Variants in ALG5 observed in about 807,000 individuals in gnomAD.
The protein encoded by ALG5 is dolichyl-phosphate beta-glucosyltransferase.
Under a neutral mutation model 51.8 loss-of-function variants are expected in ALG5, and 26 were observed. The observed-to-expected ratio is 0.50, with a 90% confidence interval of 0.37 to 0.70. ALG5 has a LOEUF of 0.70. ALG5 is among the 30% of genes least tolerant of loss of function. ALG5 has a pLI of 0.00. For missense variants in ALG5, 311 were observed against 399.3 expected, an observed-to-expected ratio of 0.78 and a Z score of 1.88; for synonymous variants, 141 against 136.1, an observed-to-expected ratio of 1.04 and a Z score of -0.25.
At chr13:36,972,793 T>G (rs375341731) in intron 6 of ALG5, among the ~76,000 whole-genome samples, 2 of 151,850 alleles carry the variant, frequency 1.3e-5, no homozygotes, top group South Asian at 2.1e-4. Context: ...GAGATCGAGA[T>G]CATCCTGGCT....
intron 8 of ALG5, among the ~76,000 whole-genome samples, chr13:36,964,474 T>A (rs1458544962): frequency 6.6e-6 from 1 of 152,112 alleles, no homozygotes. Context: ...GTGGAGAATG[T>A]CAGGGCTGAT....
intron 4 of ALG5, among the ~76,000 whole-genome samples, chr13:36,990,308 C>T (rs906837062): frequency 6.6e-5 from 10 of 152,230 alleles, no homozygotes; most frequent in Non-Finnish European, 1.3e-4. Flanking sequence ...TGCTCTTCCA[C>T]ATCCCGTTTC....
chr13:36,987,130 T>C (rs1300776146), intron 5 of ALG5, among the ~76,000 whole-genome samples: 2 of 152,180 alleles, frequency 1.3e-5, no homozygotes, highest in Non-Finnish European at 2.9e-5. Flanking sequence ...AACTATCATC[T>C]GACATATGTG....
At chr13:36,984,017 G>GT (rs2058991106) in intron 6 of ALG5, among the ~76,000 whole-genome samples, 1 of 151,538 alleles carries the variant, frequency 6.6e-6, no homozygotes, top group Admixed American at 6.6e-5. Context: ...ATAATATTCA[G>GT]TTCTAAACTA....
Position 36,995,539 on chromosome 13 carries a change from C to T in ALG5, c.124G>A (p.Glu42Lys), listed in dbSNP as rs775869484. The T allele has an allele frequency of 1.2e-6, 2 of 1,604,746 alleles. No individual in the cohort carries two copies. The highest frequency in any genetic ancestry group is 1.1e-5 in the South Asian group (1 of 88,058). Residue 42 changes from glutamate (E) to lysine (K), a missense_variant, in exon 2 of 10, where the codon GAA becomes AAA. Transcript: ENST00000239891. ...TTGGCATTTAAGAAGAATTTCTCTT[C>T]TTCATGTCGATGGAGTGCTGGCATT... is the stretch of plus-strand genomic sequence containing the variant. ...TKMPALHRHE[E>K]EKFFLNAKGQ...
intron 6 of ALG5, among the ~76,000 whole-genome samples, chr13:36,977,891 ATTTTT>A (rs201741282): frequency 7.8e-6 from 1 of 128,014 alleles, no homozygotes; most frequent in Admixed American, 8.4e-5. Context: ...CTTTCTCAGT[ATTTTT>A]TTTTTTTTTT....
At chr13:36,956,327 A>G (rs1443429309) in intron 8 of ALG5, among the ~76,000 whole-genome samples, 1 of 152,196 alleles carries the variant, frequency 6.6e-6, no homozygotes, top group Non-Finnish European at 1.5e-5. Context: ...AGATGACACA[A>G]CAAGCACTGG....
chr13:36,999,206 C>T, intron 1 of ALG5, 29 bp downstream of exon 1: 1 of 1,550,808 alleles, frequency 6.4e-7, no homozygotes, highest in Admixed American at 2.0e-5. Flanking sequence ...TAAGCCCCGG[C>T]CTGCGCGGGT....
intron 8 of ALG5, among the ~76,000 whole-genome samples, chr13:36,964,562 C>T (rs1318898934): frequency 6.6e-6 from 1 of 152,128 alleles, no homozygotes; most frequent in African/African-American, 2.4e-5. Flanking sequence ...TCAGGAGTAT[C>T]AAATGCTGCT....
At position 36,977,790 on chromosome 13, in the gene ALG5, C is replaced by CAAAAAAAAAAAAAAAA. The variant is rs869027711; in HGVS notation, c.562-5770_562-5755dup. 5.1e-5 allele frequency among the ~76,000 whole-genome samples: 2 copies of CAAAAAAAAAAAAAAAA among 39,172 alleles called. 1 individual carries two copies. The highest frequency in any genetic ancestry group is 2.7e-4 in the African/African-American group (2 of 7,424). 25.7% of individuals were successfully genotyped at this position (39,172 alleles called of 152,430 possible). A position where few individuals can be genotyped will look rare whatever the true frequency, so the allele number is the denominator to read the frequency against. Reference sequence around the variant, plus strand: ...CTGGGCGACAGAGTGAGACTGTCTCCAAAAAAAAAAAAAAAAAAAAAAAAC... The same window carrying CAAAAAAAAAAAAAAAA: ...CTGGGCGACAGAGTGAGACTGTCTCCAAAAAAAAAAAAAAAAAAAAAAAAAAAAAAAAAAAAAAAAC... On this transcript the variant is annotated intron_variant, in intron 6 of 9. Transcript: ENST00000239891.
At chr13:36,967,802 CT>C in intron 7 of ALG5, 1 of 1,238,484 alleles carries the variant, frequency 8.1e-7, no homozygotes, top group Non-Finnish European at 1.1e-6. Context: ...CAAAAGAGCA[CT>C]TATGCTTAGG....
chr13:36,955,686 GAAAAAAAAAAAAAA>G (rs35130767), intron 8 of ALG5, among the ~76,000 whole-genome samples: 3 of 36,478 alleles, frequency 8.2e-5, no homozygotes, highest in South Asian at 1.2e-3. Flanking sequence ...CAGAGATTGT[GAAAAAAAAAAAAAA>G]AAAAAAAAAA....
chr13:36,985,745 A>T lies in ALG5; in HGVS notation c.448-5T>A. The T allele has an allele frequency of 6.3e-7, 1 of 1,590,528 alleles. No individual in the cohort carries two copies. ...TCCTCGAGAACTGAATATACCCTGT[A>T]TTTTAAAATTTCAAGTCAAAGAAAA... is the stretch of plus-strand genomic sequence containing the variant. On this transcript the variant is annotated splice_region_variant and splice_polypyrimidine_tract_variant and intron_variant, in intron 5 of 9. Coordinates refer to ENST00000239891, the MANE Select transcript of ALG5 (RefSeq NM_013338.5).
chr13:36,981,870 C>T (rs1183998520), intron 6 of ALG5, among the ~76,000 whole-genome samples: 3 of 152,212 alleles, frequency 2.0e-5, no homozygotes, highest in African/African-American at 4.8e-5. Context: ...TGGTGGATCA[C>T]GAAGTCAGGA....
At chr13:36,978,734 G>T (rs1434307491) in intron 6 of ALG5, among the ~76,000 whole-genome samples, 1 of 151,006 alleles carries the variant, frequency 6.6e-6, no homozygotes, top group African/African-American at 2.4e-5. Context: ...CCACCATGGT[G>T]AGACCCCACC....
chr13:36,966,061 C>T (rs974925503), intron 7 of ALG5, among the ~76,000 whole-genome samples: 1 of 152,166 alleles, frequency 6.6e-6, no homozygotes, highest in Admixed American at 6.6e-5. Flanking sequence ...ATATTTTATG[C>T]TGCTTTGCCC....
At chr13:36,967,285 T>A (rs1231598177) in intron 7 of ALG5, among the ~76,000 whole-genome samples, 2 of 151,938 alleles carry the variant, frequency 1.3e-5, no homozygotes, top group Non-Finnish European at 2.9e-5. Context: ...AGGCCTATAT[T>A]GGAATCCTGG....
At chr13:36,990,579 T>C (rs2059021202) in intron 4 of ALG5, among the ~76,000 whole-genome samples, 1 of 131,064 alleles carries the variant, frequency 7.6e-6, no homozygotes, top group South Asian at 2.8e-4. Flanking sequence ...ATGGGCTTAA[T>C]TATAGCTTAT....
At chr13:36,965,504 G>T in intron 8 of ALG5, 71 bp downstream of exon 8, 2 of 1,419,560 alleles carry the variant, frequency 1.4e-6, no homozygotes, top group Non-Finnish European at 1.9e-6. Flanking sequence ...AAATATACAG[G>T]GCTGTTTCTC....
Sources: allele counts gnomAD v4.1 joint callset (sites outside exome capture counted in the v4.1 genomes callset), GRCh38; gene constraint gnomAD v4.1.1; transcripts MANE v1.5; gene names NCBI Gene and HGNC (gene_info 2026-07-23, HGNC 2026-07-21).